The following SUMF1 variants were observed in gnomAD, a reference collection of about 807,000 sequenced individuals.
SUMF1 encodes formylglycine-generating enzyme.
In SUMF1, 48 loss-of-function variants were observed where a neutral mutation model predicts 47.6. The ratio of observed to expected loss-of-function variants is 1.01; its 90% CI spans 0.80 to 1.28. SUMF1 has a LOEUF of 1.28. Among genes scored for constraint, SUMF1 ranks in the 50% most tolerant of loss-of-function variants. The pLI is 0.00. For missense variants in SUMF1, 571 were observed against 485.4 expected (o/e 1.18, Z -1.66); for synonymous variants, 230 against 192.1 (o/e 1.20, Z -1.63).
At chr3:4,244,920 G>A (rs889587307) in intron 8 of SUMF1, among the ~76,000 whole-genome samples, 2 of 151,934 alleles carry the variant, frequency 1.3e-5, no homozygotes, top group African/African-American at 2.4e-5. Flanking sequence ...ATTTCTTGGA[G>A]GCTTCGTTCG....
chr3:4,321,975 A>G (rs781521605), intron 8 of SUMF1, among the ~76,000 whole-genome samples: 12 of 152,200 alleles, frequency 7.9e-5, no homozygotes, highest in South Asian at 2.1e-4. Flanking sequence ...TAAAGATGGT[A>G]CATTAACTCT....
At chr3:4,270,437 C>A (rs999291780) in intron 8 of SUMF1, among the ~76,000 whole-genome samples, 1 of 152,026 alleles carries the variant, frequency 6.6e-6, no homozygotes, top group Admixed American at 6.6e-5. Flanking sequence ...CACACACATA[C>A]ACGCACACAC....
intron 1 of SUMF1, among the ~76,000 whole-genome samples, chr3:4,460,072 T>C (rs978266699): frequency 6.6e-6 from 1 of 152,158 alleles, no homozygotes; most frequent in Non-Finnish European, 1.5e-5. Context: ...GATATATTGA[T>C]ATGGAAAGAT....
chr3:4,240,993 G>A (rs1696525083), intron 8 of SUMF1, among the ~76,000 whole-genome samples: 1 of 152,028 alleles, frequency 6.6e-6, no homozygotes, highest in Admixed American at 6.6e-5. Flanking sequence ...CTAATATTAT[G>A]AAGTAGATTT....
At chr3:4,418,277 C>T in intron 4 of SUMF1, 145 bp from the exon 5 acceptor site, 1 of 1,230,906 alleles carries the variant, frequency 8.1e-7, no homozygotes, top group East Asian at 2.5e-5. Context: ...CCCAGCCATG[C>T]TACATCTGTC....
intron 8 of SUMF1, among the ~76,000 whole-genome samples, chr3:4,133,313 T>C (rs965067961): frequency 6.6e-6 from 1 of 152,132 alleles, no homozygotes; most frequent in Non-Finnish European, 1.5e-5. Context: ...GTATGAAGGA[T>C]AGTTATATTA....
At chr3:4,454,081 T>A (rs1424020810) in intron 1 of SUMF1, among the ~76,000 whole-genome samples, 1 of 152,230 alleles carries the variant, frequency 6.6e-6, no homozygotes, top group South Asian at 2.1e-4. Context: ...GCATGAATTT[T>A]GGCCTCCAAC....
chr3:4,134,152 C>G (rs1693862846), intron 8 of SUMF1, among the ~76,000 whole-genome samples: 1 of 152,136 alleles, frequency 6.6e-6, no homozygotes, highest in Non-Finnish European at 1.5e-5. Flanking sequence ...CACCACATAT[C>G]AACAGAATAT....
chr3:4,056,979 C>T (rs1695203072), intron 9 of SUMF1, among the ~76,000 whole-genome samples: 1 of 152,044 alleles, frequency 6.6e-6, no homozygotes, highest in Non-Finnish European at 1.5e-5. Context: ...ATCTCCTGAC[C>T]TCGTGATCCA....
rs918274744 is a variant in SUMF1 at position 4,223,116 on chromosome 3, TA to T, written c.1014+153213del. Among the ~76,000 whole-genome samples the T allele has an allele frequency of 5.7e-4, 87 of 151,642 alleles. 1 individual carries two copies. The highest frequency in any genetic ancestry group is 1.5e-3 in the African/African-American group (62 of 41,374). ...AATGTTCAACAAAGATATACCTTTT[TA>T]AAAAAAAATACCTGACAAATAGAAT... On this transcript the variant is annotated intron_variant and NMD_transcript_variant, in intron 8 of 12. Coordinates refer to the SUMF1 transcript ENST00000448413.
intron 8 of SUMF1, among the ~76,000 whole-genome samples, chr3:4,128,512 T>C (rs1231788110): frequency 6.6e-6 from 1 of 152,116 alleles, no homozygotes; most frequent in Non-Finnish European, 1.5e-5. Context: ...GGGGCAACAG[T>C]GTTGGCCTCC....
chr3:4,449,597 G>C (rs930085841), intron 2 of SUMF1, among the ~76,000 whole-genome samples: 1 of 152,194 alleles, frequency 6.6e-6, no homozygotes, highest in Non-Finnish European at 1.5e-5. Context: ...TAGCTTTTGA[G>C]AACGTGACTG....
At chr3:4,396,725 G>C (rs1336535679) in intron 7 of SUMF1, among the ~76,000 whole-genome samples, 1 of 152,150 alleles carries the variant, frequency 6.6e-6, no homozygotes, top group Non-Finnish European at 1.5e-5. Flanking sequence ...TCTTCTTTGA[G>C]GTGCCTCATT....
At chr3:4,464,532 T>C (rs4685753) in intron 1 of SUMF1, among the ~76,000 whole-genome samples, 19,413 of 152,154 alleles carry the variant, frequency 0.13, 1,523 homozygotes, top group East Asian at 0.22. Context: ...ACATAACAAG[T>C]GTTATATAGT....
intron 8 of SUMF1, among the ~76,000 whole-genome samples, chr3:4,254,090 A>G (rs1696883341): frequency 6.6e-6 from 1 of 151,894 alleles, no homozygotes; most frequent in South Asian, 2.1e-4. Context: ...CAGAAAGGAC[A>G]TCCACACCGA....
At chr3:4,374,869 C>G (rs1489181148) in intron 8 of SUMF1, among the ~76,000 whole-genome samples, 1 of 152,148 alleles carries the variant, frequency 6.6e-6, no homozygotes, top group East Asian at 1.9e-4. Context: ...AAAATTAAAA[C>G]TAGGATTTTA....
intron 8 of SUMF1, among the ~76,000 whole-genome samples, chr3:4,171,941 C>T (rs1002887059): frequency 6.6e-6 from 1 of 152,174 alleles, no homozygotes; most frequent in Admixed American, 6.5e-5. Flanking sequence ...ATACTCCACC[C>T]TTTGAGGCAC....
At chr3:4,127,292 G>C (rs1574906758) in intron 8 of SUMF1, among the ~76,000 whole-genome samples, 2 of 152,166 alleles carry the variant, frequency 1.3e-5, no homozygotes, top group South Asian at 4.1e-4. Context: ...ACAGGGTGTT[G>C]TGGTGGTTAA....
intron 8 of SUMF1, among the ~76,000 whole-genome samples, chr3:4,333,777 C>A (rs926772815): frequency 6.6e-6 from 1 of 151,102 alleles, no homozygotes; most frequent in African/African-American, 2.4e-5. Flanking sequence ...AACAGGAGAA[C>A]AATTTTTTTT....
Sources: gnomAD v4.1 joint callset for allele counts (sites outside exome capture counted in the v4.1 genomes callset) on GRCh38, gnomAD v4.1.1 for gene constraint, MANE v1.5 for transcripts, NCBI Gene and HGNC (gene_info 2026-07-23, HGNC 2026-07-21) for gene names.